SUPT7L: variants seen among roughly 807,000 people sequenced by gnomAD.
The protein encoded by SUPT7L is SPT7 like, STAGA complex subunit gamma.
Under a neutral mutation model 35.7 loss-of-function variants are expected in SUPT7L, and 15 were observed. The ratio of observed to expected loss-of-function variants is 0.42; its 90% confidence interval spans 0.28 to 0.65. The LOEUF is 0.65. Among genes scored for constraint, SUPT7L ranks in the 30% least tolerant of loss-of-function variants. The probability of loss-of-function intolerance (pLI) is 0.23; values close to 1 mark genes in which losing one functional copy is unlikely to be tolerated. For missense variants in SUPT7L, 434 were observed against 522.2 expected, an observed-to-expected ratio of 0.83 and a Z score of 1.65; for synonymous variants, 168 against 186.2, an observed-to-expected ratio of 0.90 and a Z score of 0.79.
chr2:27,649,226 C>T (rs1412685835), downstream of SUPT7L, among the ~76,000 whole-genome samples: 4 of 150,534 alleles, frequency 2.7e-5, no homozygotes, highest in South Asian at 8.4e-4. Context: ...GCCTCGGTAA[C>T]AAGAGTGAAA....
chr2:27,642,611 T>C, the SUPT7L span: 1 of 802,548 alleles, frequency 1.2e-6, no homozygotes, highest in Middle Eastern at 3.0e-4. Context: ...AGTTTCACTC[T>C]TGTTGCCCAG....
intron 4 of SUPT7L, among the ~76,000 whole-genome samples, chr2:27,656,950 TTTGA>T (rs1348178019): frequency 6.6e-6 from 1 of 152,196 alleles, no homozygotes; most frequent in African/African-American, 2.4e-5. Context: ...CTGAAATTGT[TTTGA>T]TTGTTATTTA....
chr2:27,644,584 G>A, the SUPT7L span, among the ~76,000 whole-genome samples: 1 of 151,830 alleles, frequency 6.6e-6, no homozygotes, highest in African/African-American at 2.4e-5. Context: ...TCTAAATTGA[G>A]ATCCCCGATT....
intron 4 of SUPT7L, among the ~76,000 whole-genome samples, chr2:27,656,491 G>A (rs764216018): frequency 3.3e-5 from 5 of 152,100 alleles, no homozygotes; most frequent in Non-Finnish European, 7.4e-5. Context: ...TGCCCAGGCT[G>A]GTCTTAAACT....
chr2:27,650,077 G>C (rs778700681), downstream of SUPT7L: 6 of 1,113,036 alleles, frequency 5.4e-6, no homozygotes, highest in South Asian at 7.4e-5. Flanking sequence ...TTTGTCTAAT[G>C]AAAGAGTTGA....
downstream of SUPT7L, among the ~76,000 whole-genome samples, chr2:27,649,491 C>G (rs1010582551): frequency 3.9e-5 from 6 of 152,120 alleles, 1 homozygote; most frequent in African/African-American, 7.2e-5. Flanking sequence ...ATGTAGAGCA[C>G]TTCCCTCACC....
At chr2:27,650,056 G>A, downstream of SUPT7L, 1 of 908,042 alleles carries the variant, frequency 1.1e-6, no homozygotes, top group Admixed American at 1.7e-5. Flanking sequence ...TGGGTGACGG[G>A]CTCTAATCAG....
the SUPT7L span, among the ~76,000 whole-genome samples, chr2:27,644,393 T>C: frequency 6.6e-6 from 1 of 152,226 alleles, no homozygotes; most frequent in Admixed American, 6.5e-5. Flanking sequence ...TCAGTTATCC[T>C]TTGACTTTGT....
In SUPT7L at chr2:27,662,300, A is replaced by G. The variant is rs574303464; in HGVS notation, c.-89-19T>C. The G allele has an allele frequency of 5.8e-6, 7 of 1,216,902 alleles. No homozygotes were observed. The East Asian group carries it at 1.6e-4, about 28-fold the overall frequency. 75.4% of individuals were successfully genotyped at this position (1,216,902 alleles called of 1,614,324 possible). A position where few individuals can be genotyped will look rare whatever the true frequency, so the allele number is the denominator to read the frequency against. ...CCTTGCCCTGAAGTGAGGAAGAGAA[A>G]CAGAAGCAGAATATTTCAATATGAA... On this transcript the variant is annotated intron_variant, in intron 1 of 5. Transcript: ENST00000337768.
At chr2:27,658,269 GGTCT>G in intron 3 of SUPT7L, among the ~76,000 whole-genome samples, 1 of 152,124 alleles carries the variant, frequency 6.6e-6, no homozygotes. Flanking sequence ...CAATGGGTAG[GGTCT>G]GTATTATTAT....
intron 2 of SUPT7L, 87 bp downstream of exon 2, chr2:27,662,092 A>T (rs975932205): frequency 4.2e-5 from 66 of 1,590,156 alleles, no homozygotes; most frequent in Non-Finnish European, 5.3e-5. Flanking sequence ...TAAAACTTAA[A>T]TCAAATGGCT....
intron 3 of SUPT7L, among the ~76,000 whole-genome samples, chr2:27,660,276 G>A (rs1201687076): frequency 2.0e-5 from 3 of 151,616 alleles, no homozygotes; most frequent in Non-Finnish European, 4.4e-5. Context: ...AGTCACCCAG[G>A]CTGGAGTGCA....
chr2:27,657,720 C>T lies in SUPT7L; in HGVS notation c.420-51G>A. ...ATTAATGTTCTTGCAAAGGGGTGAC[C>T]CCTCCTGTCTTCCCCAGGAGTTTTA... On this transcript the variant is annotated intron_variant, in intron 3 of 5. Transcript: ENST00000337768. This position sits in a 1 kb window ranked among gnomAD's most constrained non-coding sequence, Gnocchi z 5.2. 1 of 1,519,566 alleles carries T rather than the reference C, an allele frequency of 6.6e-7. No homozygotes were observed. The highest frequency in any genetic ancestry group is 1.4e-5 in the African/African-American group (1 of 72,506). 94.1% of individuals were successfully genotyped at this position (1,519,566 alleles called of 1,614,324 possible).
Position 27,655,512 on chromosome 2 carries a change from G to A in SUPT7L, c.835C>T (p.Pro279Ser). ...DAKPVKIKEE[P>S]VSDITFPVSE... ...ACAGGAAAAGTGATGTCGCTCACAG[G>A]TTCCTCCTTGATCTTCACAGGTTTA... is the stretch of plus-strand genomic sequence containing the variant. Residue 279 changes from proline (P) to serine (S), a missense_variant, in exon 5 of 6, where the codon CCT (proline) becomes TCT (serine). By Grantham distance (74) the Pro-to-Ser change is moderately conservative (BLOSUM62 -1). This residue lies in a region of SUPT7L where 159 missense variants were observed against 217.1 expected (regional missense o/e 0.73). Coordinates refer to ENST00000337768, the MANE Select transcript of SUPT7L (RefSeq NM_014860.3). 6.2e-7 allele frequency: 1 copy of A among 1,614,086 alleles called. No homozygotes were observed. The highest frequency in any genetic ancestry group is 1.3e-5 in the African/African-American group (1 of 75,020).
At position 27,650,877 on chromosome 2, in the gene SUPT7L, A is replaced by C. The variant is rs1326006089; in HGVS notation, c.*2608T>G. The C allele has an allele frequency of 1.3e-5, 2 of 152,812 alleles. No individual in the cohort carries two copies. Among genetic ancestry groups the C allele is most frequent in the Admixed American group, 1.3e-4 (2 of 15,286 alleles). The allele number at this position is 152,812 out of a possible 1,614,324, so 9.5% of individuals were successfully genotyped here. A position where few individuals can be genotyped will look rare whatever the true frequency, so the allele number is the denominator to read the frequency against. On this transcript the variant is annotated 3_prime_UTR_variant, in exon 6 of 6. Coordinates refer to ENST00000337768, the MANE Select transcript of SUPT7L (RefSeq NM_014860.3). ...TTCTAAGACTGCTTGTCATGATTTC[A>C]AATTAGAAAATTATATAATTGCAAA...
chr2:27,648,064 G>GA (rs1448093792), downstream of SUPT7L: 12 of 647,350 alleles, frequency 1.9e-5, no homozygotes, highest in Non-Finnish European at 2.8e-5. Flanking sequence ...TACAGCACCA[G>GA]AAAAGAGTTT....
At chr2:27,649,523 CTTTTT>C (rs376145126), downstream of SUPT7L, among the ~76,000 whole-genome samples, 4 of 152,064 alleles carry the variant, frequency 2.6e-5, no homozygotes. Context: ...CCTCATGCCC[CTTTTT>C]TTTCAGTCCC....
intron 4 of SUPT7L, among the ~76,000 whole-genome samples, chr2:27,656,626 G>C (rs868502380): frequency 6.7e-6 from 1 of 149,582 alleles, no homozygotes; most frequent in South Asian, 2.1e-4. Context: ...TTGTCAGTAG[G>C]TCTGTGTTCT....
Position 27,657,583 on chromosome 2 carries a change from G to A in SUPT7L, c.506C>T (p.Ala169Val), listed in dbSNP as rs369425683. The part of the protein sequence containing the change: ...YQAVATILAH[A>V]GFDCANESVL... ...ACTCTCATTAGCACAGTCAAAGCCC[G>A]CGTGGGCCAGGATTGTGGCCACTGC... is the stretch of plus-strand genomic sequence containing the variant. Residue 169 changes from alanine to valine, a missense_variant, in exon 4 of 6, where the codon GCG becomes GTG. Around this residue, in one of 3 missense-constraint regions of SUPT7L, gnomAD observed 198 missense variants for 190.8 expected, o/e 1.04. Coordinates refer to ENST00000337768, the MANE Select transcript of SUPT7L (RefSeq NM_014860.3). This position sits in a 1 kb window ranked among gnomAD's most constrained non-coding sequence, Gnocchi z 5.2. 1.8e-5 allele frequency: 29 copies of A among 1,614,136 alleles called. No individual in the cohort carries two copies. Among genetic ancestry groups the A allele is most frequent in the East Asian group, 4.5e-5 (2 of 44,902 alleles).
Sources: gnomAD v4.1 joint callset for allele counts (sites outside exome capture counted in the v4.1 genomes callset) on GRCh38, gnomAD v4.1.1 for gene constraint, gnomAD v4.1.1 regional missense constraint, Gnocchi (gnomAD v3.1) non-coding constraint, MANE v1.5 for transcripts, NCBI Gene and HGNC (gene_info 2026-07-23, HGNC 2026-07-21) for gene names.